KCNAB1: variants seen among roughly 807,000 people sequenced by gnomAD.
The protein encoded by KCNAB1 is potassium voltage-gated channel subfamily A regulatory beta subunit 1, also known as voltage-gated potassium channel subunit beta-1.
In KCNAB1, 35 loss-of-function variants were observed where a neutral mutation model predicts 64.6. The ratio of observed to expected loss-of-function variants is 0.54; its 90% confidence interval spans 0.41 to 0.72. The LOEUF (loss-of-function observed/expected upper bound fraction) is 0.72, where lower values mean the gene tolerates loss of function less well. KCNAB1 is among the 30% of genes least tolerant of loss of function. The probability of loss-of-function intolerance (pLI) is 0.00; values close to 1 mark genes in which losing one functional copy is unlikely to be tolerated. For missense variants in KCNAB1, 401 were observed against 512.9 expected, an observed-to-expected ratio of 0.78 and a Z score of 2.11; for synonymous variants, 177 against 183.8, an observed-to-expected ratio of 0.96 and a Z score of 0.30.
chr3:156,391,857 A>G (rs990181240), intron 1 of KCNAB1, among the ~76,000 whole-genome samples: 5 of 152,208 alleles, frequency 3.3e-5, no homozygotes, highest in Non-Finnish European at 5.9e-5. Flanking sequence ...ACATGGGAGA[A>G]AAAGAGATCA....
chr3:156,526,310 G>A (rs1718307289), intron 12 of KCNAB1, among the ~76,000 whole-genome samples: 4 of 152,076 alleles, frequency 2.6e-5, no homozygotes, highest in Admixed American at 6.6e-5. Context: ...TGTCCCTGTC[G>A]CTATGGGATG....
intron 1 of KCNAB1, among the ~76,000 whole-genome samples, chr3:156,300,185 A>G (rs1721057705): frequency 6.6e-6 from 1 of 152,162 alleles, no homozygotes; most frequent in Non-Finnish European, 1.5e-5. Context: ...TGACTGTTCT[A>G]CTACGAAACC....
chr3:156,194,079 A>G lies in KCNAB1; in HGVS notation c.275+73193A>G, dbSNP rs547239341. ...GTTGTCATACATTTTTCTTCTCTGTATATTATAGAACCCATAATATATTGC... is the reference window on the plus strand; with the variant it reads ...GTTGTCATACATTTTTCTTCTCTGTGTATTATAGAACCCATAATATATTGC... On this transcript the variant is annotated intron_variant, in intron 1 of 13. Coordinates refer to ENST00000490337, the MANE Select transcript of KCNAB1 (RefSeq NM_172160.3). Among the ~76,000 whole-genome samples, 6 of 152,190 alleles carry G rather than the reference A, an allele frequency of 3.9e-5. No homozygotes were observed. The East Asian group carries it at 9.6e-4, about 24-fold the overall frequency.
At chr3:156,295,329 G>A (rs1265837601) in intron 1 of KCNAB1, among the ~76,000 whole-genome samples, 1 of 152,124 alleles carries the variant, frequency 6.6e-6, no homozygotes, top group East Asian at 1.9e-4. Flanking sequence ...GGACCTACTT[G>A]TAACCCTGAT....
At chr3:156,535,800 A>G (rs1037741881) in intron 13 of KCNAB1, among the ~76,000 whole-genome samples, 4 of 151,834 alleles carry the variant, frequency 2.6e-5, no homozygotes, top group Non-Finnish European at 5.9e-5. Context: ...CATATCTAAT[A>G]TCTGTGTCCC....
intron 1 of KCNAB1, among the ~76,000 whole-genome samples, chr3:156,137,807 C>T (rs977046349): frequency 4.0e-5 from 6 of 151,590 alleles, no homozygotes; most frequent in African/African-American, 4.9e-5. Context: ...CCACCTACCT[C>T]GGCCTCCCAA....
intron 1 of KCNAB1, among the ~76,000 whole-genome samples, chr3:156,242,475 C>A (rs1350287684): frequency 6.6e-6 from 1 of 152,122 alleles, no homozygotes; most frequent in East Asian, 1.9e-4. Flanking sequence ...TGATAATGAA[C>A]TTTCTGCCCT....
chr3:156,388,861 C>T (rs772413462), intron 1 of KCNAB1, among the ~76,000 whole-genome samples: 1 of 152,208 alleles, frequency 6.6e-6, no homozygotes. Context: ...TGCACACCAA[C>T]CTCCAGCTTT....
chr3:156,459,968 C>A, intron 5 of KCNAB1, 97 bp downstream of exon 5: 4 of 769,714 alleles, frequency 5.2e-6, no homozygotes, highest in East Asian at 2.7e-5. Flanking sequence ...AAAAGGCTGT[C>A]AAAAAAAATC....
At chr3:156,485,838 A>G (rs1715166085) in intron 8 of KCNAB1, among the ~76,000 whole-genome samples, 1 of 152,104 alleles carries the variant, frequency 6.6e-6, no homozygotes, top group African/African-American at 2.4e-5. Context: ...AAGTGAGAAC[A>G]TGACGTATTT....
rs113263517 is a variant in KCNAB1, at chr3:156,375,305, T to C, written c.276-46311T>C. 1.5e-3 allele frequency among the ~76,000 whole-genome samples: 196 copies of C among 134,916 alleles called. 60 individuals are homozygous for C. Among genetic ancestry groups the C allele is most frequent in the African/African-American group, 6.4e-3 (191 of 30,000 alleles). 88.5% of individuals were successfully genotyped at this position (134,916 alleles called of 152,430 possible). On this transcript the variant is annotated intron_variant, in intron 1 of 13. Coordinates refer to ENST00000490337, the MANE Select transcript of KCNAB1 (RefSeq NM_172160.3). ...TCCTTCTTTGTAGAGTTTATGAAGCTCATCCCTATGCAGCCCCTCACTCCC... is the reference window on the plus strand; with the variant it reads ...TCCTTCTTTGTAGAGTTTATGAAGCCCATCCCTATGCAGCCCCTCACTCCC...
chr3:156,144,200 G>A (rs920194455), intron 1 of KCNAB1, among the ~76,000 whole-genome samples: 16 of 152,096 alleles, frequency 1.1e-4, no homozygotes, highest in Admixed American at 3.9e-4. Flanking sequence ...AGAAGGACAA[G>A]GTACTGAAAA....
At position 156,224,256 on chromosome 3, in the gene KCNAB1, G is replaced by A. The variant is rs559203116; in HGVS notation, c.275+103370G>A. On this transcript the variant is annotated intron_variant, in intron 1 of 13. Coordinates refer to ENST00000490337, the MANE Select transcript of KCNAB1 (RefSeq NM_172160.3). Reference sequence around the variant, plus strand: ...CTGAGCCCACGCCCACCCGGAACTCGTGCTGGCCCGCAAGCACCGCACGCA... The same window carrying A: ...CTGAGCCCACGCCCACCCGGAACTCATGCTGGCCCGCAAGCACCGCACGCA... 7.5e-4 allele frequency among the ~76,000 whole-genome samples: 114 copies of A among 152,356 alleles called. 1 individual carries two copies. The highest frequency in any genetic ancestry group is 6.8e-3 in the Middle Eastern group (2 of 294).
intron 1 of KCNAB1, among the ~76,000 whole-genome samples, chr3:156,233,041 G>A (rs1287799918): frequency 6.6e-6 from 1 of 152,022 alleles, no homozygotes; most frequent in Admixed American, 6.6e-5. Context: ...GAAATCTCAA[G>A]GTCCAACTCT....
chr3:156,432,239 A>G (rs771407720), intron 2 of KCNAB1, among the ~76,000 whole-genome samples: 2 of 152,202 alleles, frequency 1.3e-5, no homozygotes, highest in Non-Finnish European at 2.9e-5. Context: ...AGCTTTTTCT[A>G]TGGCATGAGG....
At chr3:156,225,855 G>T (rs9838002) in intron 1 of KCNAB1, among the ~76,000 whole-genome samples, 6 of 151,996 alleles carry the variant, frequency 3.9e-5, no homozygotes, top group South Asian at 2.1e-4. Flanking sequence ...AAAATACATA[G>T]GAATATACCT....
intron 8 of KCNAB1, among the ~76,000 whole-genome samples, chr3:156,511,185 G>C (rs1253916926): frequency 2.0e-5 from 3 of 151,886 alleles, no homozygotes; most frequent in Non-Finnish European, 2.9e-5. Context: ...CTTACTGCGA[G>C]CTCCACCTCC....
intron 2 of KCNAB1, among the ~76,000 whole-genome samples, chr3:156,436,249 T>C (rs1716577459): frequency 6.6e-6 from 1 of 152,212 alleles, no homozygotes; most frequent in Non-Finnish European, 1.5e-5. Context: ...GGACATCTCA[T>C]TCCTTTTTAT....
intron 1 of KCNAB1, among the ~76,000 whole-genome samples, chr3:156,215,322 T>C (rs1001401728): frequency 1.3e-5 from 2 of 152,218 alleles, no homozygotes; most frequent in South Asian, 4.1e-4. Flanking sequence ...CTCAATTCAA[T>C]TGACATGTAA....
Sources: allele counts gnomAD v4.1 joint callset (sites outside exome capture counted in the v4.1 genomes callset), GRCh38; gene constraint gnomAD v4.1.1; transcripts MANE v1.5; gene names NCBI Gene and HGNC (gene_info 2026-07-23, HGNC 2026-07-21).